Variants in MTERF1 observed in about 807,000 individuals in gnomAD.
MTERF1 encodes mitochondrial transcription termination factor 1.
Under a neutral mutation model 31.6 loss-of-function variants are expected in MTERF1, and 29 were observed. The ratio of observed to expected loss-of-function variants is 0.92; its 90% CI spans 0.68 to 1.25. The LOEUF (loss-of-function observed/expected upper bound fraction) is 1.25, where lower values mean the gene tolerates loss of function less well. MTERF1 is among the 50% of genes most tolerant of loss of function. The pLI is 0.00. For synonymous variants in MTERF1, 152 were observed against 164.1 expected (o/e 0.93, Z 0.57); for missense variants, 500 against 469.1 (o/e 1.07, Z -0.61).
rs1789187092 is a variant in MTERF1 at position 91,871,606 on chromosome 7, T to C, written c.*1988A>G. Reference sequence around the variant, plus strand: ...GAAAGAAGCCAGTCACAAAAGACCATACTGTATGATTCCATTTATATGAAA... The same window carrying C: ...GAAAGAAGCCAGTCACAAAAGACCACACTGTATGATTCCATTTATATGAAA... On this transcript the variant is annotated 3_prime_UTR_variant, in exon 3 of 3. Coordinates refer to ENST00000351870, the MANE Select transcript of MTERF1 (RefSeq NM_006980.5). 2.6e-5 allele frequency: 4 copies of C among 152,346 alleles called. No homozygotes were observed. Among genetic ancestry groups the C allele is most frequent in the South Asian group, 2.1e-4 (1 of 4,824 alleles). 9.4% of individuals were successfully genotyped at this position (152,346 alleles called of 1,614,324 possible). A position where few individuals can be genotyped will look rare whatever the true frequency, so the allele number is the denominator to read the frequency against.
At chr7:91,879,458 G>A (rs367602376) in intron 2 of MTERF1, among the ~76,000 whole-genome samples, 176 of 152,250 alleles carry the variant, frequency 1.2e-3, no homozygotes, top group African/African-American at 3.8e-3. Context: ...GATTATTAGA[G>A]GCTATGTACT....
intron 1 of MTERF1, chr7:91,880,446 G>A (rs1003359558): frequency 1.3e-5 from 3 of 226,914 alleles, no homozygotes; most frequent in African/African-American, 6.9e-5. Context: ...TCCCATACTA[G>A]CCTGCCTTCG....
At chr7:91,877,712 A>C (rs1789381723) in intron 2 of MTERF1, among the ~76,000 whole-genome samples, 1 of 152,188 alleles carries the variant, frequency 6.6e-6, no homozygotes, top group South Asian at 2.1e-4. Context: ...TGCTTCTCTG[A>C]CATCCATCAC....
chr7:91,876,811 C>T (rs1789357199), intron 2 of MTERF1: 1 of 778,178 alleles, frequency 1.3e-6, no homozygotes, highest in Non-Finnish European at 1.6e-6. Flanking sequence ...ATTACTCTTC[C>T]AAAAATGCAT....
intron 2 of MTERF1, chr7:91,876,886 G>T: frequency 1.0e-6 from 1 of 983,918 alleles, no homozygotes; most frequent in Non-Finnish European, 1.2e-6. Context: ...ACCTTGCATA[G>T]TTCAACAGCC....
chr7:91,874,338 T>A lies in MTERF1; in HGVS notation c.456A>T (p.Ser152=), dbSNP rs960439899. 6.8e-6 allele frequency: 11 copies of A among 1,614,194 alleles called. No homozygotes were observed. The highest frequency in any genetic ancestry group is 9.3e-6 in the Non-Finnish European group (11 of 1,180,036). The change falls in exon 3 of 3, where the codon TCA becomes TCT. Residue 152 remains serine, a synonymous_variant. Coordinates refer to ENST00000351870, the MANE Select transcript of MTERF1 (RefSeq NM_006980.5). ...RWDLWRKIVT[S]DLEIVNILER... ...CCAAAATATTTACAATTTCAAGGTC[T>A]GATGTCACAATCTTTCTCCACAGAT...
At position 91,872,888 on chromosome 7, in the gene MTERF1, A is replaced by G. The variant is rs1380081466; in HGVS notation, c.*706T>C. On this transcript the variant is annotated 3_prime_UTR_variant, in exon 3 of 3. Coordinates refer to ENST00000351870, the MANE Select transcript of MTERF1 (RefSeq NM_006980.5). ...GAAATGATTATCATTTCCTTAAACTATATTAGGCAAACATATTCCTTTATT... is the reference window on the plus strand; with the variant it reads ...GAAATGATTATCATTTCCTTAAACTGTATTAGGCAAACATATTCCTTTATT... 2 of 152,176 alleles carry G rather than the reference A, an allele frequency of 1.3e-5. No homozygotes were observed. Among genetic ancestry groups the G allele is most frequent in the Admixed American group, 6.5e-5 (1 of 15,278 alleles). The allele number at this position is 152,176 out of a possible 1,614,324, so 9.4% of individuals were successfully genotyped here.
rs565678095 is a variant in MTERF1 at position 91,871,450 on chromosome 7, A to C, written c.*2144T>G. The C allele has an allele frequency of 6.6e-5, 10 of 152,364 alleles. No individual in the cohort carries two copies. The East Asian group carries it at 1.5e-3, about 23-fold the overall frequency. The allele number at this position is 152,364 out of a possible 1,614,324, so 9.4% of individuals were successfully genotyped here. On this transcript the variant is annotated 3_prime_UTR_variant, in exon 3 of 3. Coordinates refer to ENST00000351870, the MANE Select transcript of MTERF1 (RefSeq NM_006980.5). ...GCGTACAATTCAGAAGACTTAAGAA[A>C]TCAATACTTTAAGCCATAACAGTAA...
chr7:91,874,537 A>T lies in MTERF1; in HGVS notation c.257T>A (p.Ile86Asn). The T allele has an allele frequency of 6.2e-7, 1 of 1,614,134 alleles. No homozygotes were observed. Among genetic ancestry groups the T allele is most frequent in the Non-Finnish European group, 8.5e-7 (1 of 1,180,024 alleles). Residue 86 changes from isoleucine (I) to asparagine (N), a missense_variant, in exon 3 of 3, where the codon ATT becomes AAT. Transcript: ENST00000351870. The stretch of plus-strand genomic sequence containing the variant: ...AGGCTGTCGTTTCCTTGCCATGTCA[A>T]TATCTACTCCCATAGTAAGTAAGTT... ...LKNLLTMGVD[I>N]DMARKRQPGV...
At chr7:91,876,749 C>A in intron 2 of MTERF1, 1 of 232,558 alleles carries the variant, frequency 4.3e-6, no homozygotes, top group Non-Finnish European at 7.1e-6. Context: ...GATCCATACT[C>A]TACTGAGCTC....
At position 91,874,727 on chromosome 7, in the gene MTERF1, G is replaced by A; in HGVS notation, c.67C>T (p.Pro23Ser). 1 of 1,613,314 alleles carries A rather than the reference G, an allele frequency of 6.2e-7. No homozygotes were observed. The highest frequency in any genetic ancestry group is 2.2e-5 in the East Asian group (1 of 44,858). Reference protein sequence around the residue: ...KGLNYLTIMAPGNLWHMRNNF... With the variant: ...KGLNYLTIMASGNLWHMRNNF... ...TTTCTCATATGCCAGAGGTTTCCTG[G>A]TGCCATAATGGTTAGGTAGTTCAAA... The change falls in exon 3 of 3, where the codon CCA becomes TCA. Residue 23 changes from proline to serine, a missense_variant. Coordinates refer to ENST00000351870, the MANE Select transcript of MTERF1 (RefSeq NM_006980.5).
chr7:91,874,039 AC>A lies in MTERF1; in HGVS notation c.754del (p.Val252Ter). On this transcript the variant is annotated frameshift_variant, in exon 3 of 3. Transcript: ENST00000351870. LOFTEE classifies it high-confidence loss of function. ...PFILIQSTKR[V>X]KANIEFLRST... ...CCGTAAGAATTCAATGTTAGCTTTCACCCGCTTGGTGCTCTGAATTAAGATA... is the reference window on the plus strand; with the variant it reads ...CCGTAAGAATTCAATGTTAGCTTTCACCGCTTGGTGCTCTGAATTAAGATA... 6.2e-7 allele frequency: 1 copy of A among 1,614,076 alleles called. No homozygotes were observed. Among genetic ancestry groups the A allele is most frequent in the East Asian group, 2.2e-5 (1 of 44,876 alleles).
rs1789464677 is a variant in MTERF1, at chr7:91,880,056, T to C, written c.28A>G (p.Ser10Gly). The C allele has an allele frequency of 1.2e-6, 2 of 1,614,086 alleles. No homozygotes were observed. The highest frequency in any genetic ancestry group is 8.5e-7 in the Non-Finnish European group (1 of 1,180,010). Residue 10 changes from serine to glycine, a missense_variant and splice_region_variant, in exon 2 of 3, where the codon AGC becomes GGC. Coordinates refer to ENST00000351870, the MANE Select transcript of MTERF1 (RefSeq NM_006980.5). ...GAGATCTTTACATGCATTTCTCACC[T>C]TGTTTGTCCTAAGGAAAGGCTCTGC... The part of the protein sequence containing the change: MQSLSLGQT[S>G]ISKGLNYLTI...
At chr7:91,874,916 T>G in intron 2 of MTERF1, 152 bp from the exon 3 acceptor site, 1 of 561,076 alleles carries the variant, frequency 1.8e-6, no homozygotes, top group Non-Finnish European at 3.1e-6. Flanking sequence ...CAGCCACTGC[T>G]GAATTATTAA....
chr7:91,874,814 C>T (rs1482169391), intron 2 of MTERF1, 50 bp from the exon 3 acceptor site: 1 of 1,309,496 alleles, frequency 7.6e-7, no homozygotes, highest in South Asian at 1.4e-5. Context: ...TGTTAAACAA[C>T]TAAATGACCA....
At position 91,873,916 on chromosome 7, in the gene MTERF1, T is replaced by C; in HGVS notation, c.878A>G (p.Tyr293Cys). 6.2e-7 allele frequency: 1 copy of C among 1,614,072 alleles called. No homozygotes were observed. The highest frequency in any genetic ancestry group is 1.1e-5 in the South Asian group (1 of 91,074). ...AAACAGCTTCTCTTTGATGTTTGCG[T>C]AGCTTCTTCTGGCATAGTCATTGGA... The part of the protein sequence containing the change: ...DLSNDYARRS[Y>C]ANIKEKLFSL... The change falls in exon 3 of 3, where the codon TAC becomes TGC. Residue 293 changes from tyrosine (Y) to cysteine (C), a missense_variant. By Grantham distance (194) the Tyr-to-Cys change is radical. Transcript: ENST00000351870.
chr7:91,879,870 A>G (rs1268492769), intron 2 of MTERF1, among the ~76,000 whole-genome samples, 185 bp downstream of exon 2: 2 of 152,196 alleles, frequency 1.3e-5, no homozygotes, highest in African/African-American at 4.8e-5. Context: ...CAAACACTGA[A>G]AATTTCTATG....
In MTERF1 at chr7:91,871,821, A is replaced by G. The variant is rs1242551221; in HGVS notation, c.*1773T>C. ...GGTTTGACTATCCATCCCCTCCAAA[A>G]CTCATGTTGAAATTTAATCCCCAAT... is the stretch of plus-strand genomic sequence containing the variant. On this transcript the variant is annotated 3_prime_UTR_variant, in exon 3 of 3. Transcript: ENST00000351870. 2.6e-5 allele frequency: 4 copies of G among 152,130 alleles called. No individual in the cohort carries two copies. Among genetic ancestry groups the G allele is most frequent in the Admixed American group, 1.3e-4 (2 of 15,264 alleles). The allele number at this position is 152,130 out of a possible 1,614,324, so 9.4% of individuals were successfully genotyped here. A position where few individuals can be genotyped will look rare whatever the true frequency, so the allele number is the denominator to read the frequency against.
In MTERF1 at chr7:91,873,936, A is replaced by G. The variant is rs1390289449; in HGVS notation, c.858T>C (p.Asn286=). The G allele has an allele frequency of 1.9e-6, 3 of 1,613,902 alleles. No individual in the cohort carries two copies. Among genetic ancestry groups the G allele is most frequent in the South Asian group, 2.2e-5 (2 of 91,082 alleles). ...TTGCGTAGCTTCTTCTGGCATAGTC[A>G]TTGGAAAGGTCTAGGATTTCAGCTC... is the stretch of plus-strand genomic sequence containing the variant. The part of the protein sequence containing the change: ...GPGAEILDLS[N]DYARRSYANI... The change falls in exon 3 of 3, where the codon AAT becomes AAC. Residue 286 remains asparagine, a synonymous_variant. Transcript: ENST00000351870.
Sources: gnomAD v4.1 joint callset for allele counts (sites outside exome capture counted in the v4.1 genomes callset) on GRCh38, gnomAD v4.1.1 for gene constraint, MANE v1.5 for transcripts, NCBI Gene and HGNC (gene_info 2026-07-23, HGNC 2026-07-21) for gene names.